FHIT: variants seen among roughly 807,000 people sequenced by gnomAD.
FHIT encodes the protein fragile histidine triad diadenosine triphosphatase.
In FHIT, 19 loss-of-function variants were observed where a neutral mutation model predicts 17.9. The observed-to-expected ratio is 1.06, with a 90% CI of 0.74 to 1.56. FHIT has a LOEUF of 1.56. Ranked by LOEUF, FHIT falls within the 40% of genes most tolerant of loss-of-function variation. FHIT has a pLI of 0.00. For synonymous variants in FHIT, 81 were observed against 69.7 expected (o/e 1.16, Z -0.81); for missense variants, 248 against 189.2 (o/e 1.31, Z -1.82).
chr3:59,809,706 TG>T (rs1700339311), intron 8 of FHIT, among the ~76,000 whole-genome samples: 1 of 152,298 alleles, frequency 6.6e-6, no homozygotes, highest in East Asian at 1.9e-4. Context: ...GACTGGGGTT[TG>T]TTTTATTTGT....
chr3:60,583,154 A>G (rs542416628), intron 4 of FHIT, among the ~76,000 whole-genome samples: 4 of 152,084 alleles, frequency 2.6e-5, no homozygotes, highest in Admixed American at 1.3e-4. Context: ...ATTCGGGCAG[A>G]ATGAGAAATT....
At chr3:60,516,086 G>C (rs948341291) in intron 5 of FHIT, among the ~76,000 whole-genome samples, 1 of 152,182 alleles carries the variant, frequency 6.6e-6, no homozygotes, top group Non-Finnish European at 1.5e-5. Context: ...TATGGGTTCA[G>C]AGGACCTATC....
intron 2 of FHIT, among the ~76,000 whole-genome samples, chr3:61,134,539 G>C (rs2036858755): frequency 6.6e-6 from 1 of 152,088 alleles, no homozygotes; most frequent in African/African-American, 2.4e-5. Context: ...TCAAAGGAAG[G>C]AGAAATGATC....
rs567596459 is a variant in FHIT, at chr3:60,896,099, G to A, written c.-110-74088C>T. Among the ~76,000 whole-genome samples the A allele has an allele frequency of 3.9e-5, 6 of 152,080 alleles. No homozygotes were observed. The South Asian group carries it at 6.2e-4, about 16-fold the overall frequency. On this transcript the variant is annotated intron_variant, in intron 3 of 9. Coordinates refer to ENST00000492590, the MANE Select transcript of FHIT (RefSeq NM_002012.4). ...CAACATTAACCCTATTGTGAACTGCGCATACTCATTATGAGAATCTAACTA... is the reference window on the plus strand; with the variant it reads ...CAACATTAACCCTATTGTGAACTGCACATACTCATTATGAGAATCTAACTA...
At chr3:60,112,129 G>T (rs1704700804) in intron 5 of FHIT, among the ~76,000 whole-genome samples, 1 of 152,286 alleles carries the variant, frequency 6.6e-6, no homozygotes, top group East Asian at 1.9e-4. Flanking sequence ...TCAAGTACAA[G>T]AATCAGAACC....
At chr3:60,164,216 A>G (rs940371386) in intron 5 of FHIT, among the ~76,000 whole-genome samples, 1 of 152,172 alleles carries the variant, frequency 6.6e-6, no homozygotes, top group Admixed American at 6.5e-5. Flanking sequence ...GACATTAACC[A>G]AACACCTAAC....
At chr3:59,989,171 C>T (rs1317081430) in intron 7 of FHIT, among the ~76,000 whole-genome samples, 1 of 151,970 alleles carries the variant, frequency 6.6e-6, no homozygotes, top group African/African-American at 2.4e-5. Context: ...AATTTCCTTT[C>T]GGGAAAGGCA....
chr3:61,096,613 G>A (rs1282631526), intron 2 of FHIT, among the ~76,000 whole-genome samples: 6 of 152,180 alleles, frequency 3.9e-5, no homozygotes, highest in African/African-American at 1.4e-4. Context: ...TTCCTGTGGA[G>A]GAAGCCTGGG....
At chr3:60,919,993 C>T (rs1707196886) in intron 3 of FHIT, among the ~76,000 whole-genome samples, 1 of 151,372 alleles carries the variant, frequency 6.6e-6, no homozygotes, top group Non-Finnish European at 1.5e-5. Context: ...GAGATTGCAC[C>T]ACTGCACTCC....
chr3:60,725,776 T>C (rs868964849), intron 4 of FHIT, among the ~76,000 whole-genome samples: 7 of 152,188 alleles, frequency 4.6e-5, no homozygotes, highest in African/African-American at 1.7e-4. Flanking sequence ...GCAGATATTT[T>C]GTACTTAGTA....
At chr3:61,167,229 T>C (rs946064675) in intron 2 of FHIT, among the ~76,000 whole-genome samples, 2 of 151,696 alleles carry the variant, frequency 1.3e-5, no homozygotes, top group African/African-American at 4.8e-5. Context: ...TTTATATCCC[T>C]ATTAAATATA....
chr3:60,313,888 G>C (rs1024991540), intron 5 of FHIT, among the ~76,000 whole-genome samples: 1 of 152,202 alleles, frequency 6.6e-6, no homozygotes, highest in African/African-American at 2.4e-5. Flanking sequence ...TAAAGATCAG[G>C]CTCAAGTGCT....
At chr3:61,120,159 A>G (rs1326119480) in intron 2 of FHIT, among the ~76,000 whole-genome samples, 1 of 152,152 alleles carries the variant, frequency 6.6e-6, no homozygotes, top group East Asian at 1.9e-4. Context: ...TTTATACACT[A>G]AGGCTAAGTT....
At chr3:60,211,494 G>T (rs1226044929) in intron 5 of FHIT, among the ~76,000 whole-genome samples, 1 of 152,086 alleles carries the variant, frequency 6.6e-6, no homozygotes, top group Non-Finnish European at 1.5e-5. Context: ...TCTATAAATT[G>T]AAAGTAAAAT....
At chr3:59,755,832 G>A (rs906411769) in intron 8 of FHIT, among the ~76,000 whole-genome samples, 8 of 147,562 alleles carry the variant, frequency 5.4e-5, no homozygotes, top group African/African-American at 2.1e-4. Context: ...ACAAAGAAAC[G>A]TTATGAAAAA....
intron 5 of FHIT, among the ~76,000 whole-genome samples, chr3:60,419,687 C>A (rs900563678): frequency 6.6e-6 from 1 of 152,066 alleles, no homozygotes; most frequent in East Asian, 1.9e-4. Context: ...TCTCTAATTT[C>A]TTACTTTTAA....
At chr3:61,037,768 C>T (rs1340673099) in intron 3 of FHIT, among the ~76,000 whole-genome samples, 1 of 152,174 alleles carries the variant, frequency 6.6e-6, no homozygotes, top group Non-Finnish European at 1.5e-5. Flanking sequence ...TTGGATGACT[C>T]ATCAAGTAGG....
At chr3:59,827,802 A>C (rs1351651902) in intron 8 of FHIT, among the ~76,000 whole-genome samples, 1 of 152,252 alleles carries the variant, frequency 6.6e-6, no homozygotes, top group Non-Finnish European at 1.5e-5. Context: ...CACAAACACA[A>C]GAAGATCTAC....
intron 5 of FHIT, among the ~76,000 whole-genome samples, chr3:60,037,998 G>A (rs1206127709): frequency 6.6e-6 from 1 of 151,970 alleles, no homozygotes; most frequent in Non-Finnish European, 1.5e-5. Context: ...ACAGGTGTGA[G>A]GCACTGTACC....
Sources: allele counts gnomAD v4.1 joint callset (sites outside exome capture counted in the v4.1 genomes callset), GRCh38; gene constraint gnomAD v4.1.1; transcripts MANE v1.5; gene names NCBI Gene and HGNC (gene_info 2026-07-23, HGNC 2026-07-21).